The following CDH18 variants were observed in gnomAD, a reference collection of about 807,000 sequenced individuals.
CDH18 encodes the protein cadherin-18.
Under a neutral mutation model 67.9 loss-of-function variants are expected in CDH18, and 31 were observed. That is an observed-to-expected ratio of 0.46 (90% CI 0.34 to 0.62). The LOEUF (loss-of-function observed/expected upper bound fraction) is 0.62. CDH18 is among the 20% of genes least tolerant of loss of function. CDH18 has a pLI of 0.01. For missense variants in CDH18, 890 were observed against 975.5 expected (o/e 0.91, Z 1.17); for synonymous variants, 362 against 347.2 (o/e 1.04, Z -0.48).
chr5:19,885,864 T>C (rs12516939), intron 2 of CDH18, among the ~76,000 whole-genome samples: 75,637 of 152,022 alleles, frequency 0.5, 18,959 homozygotes, highest in Middle Eastern at 0.65. Flanking sequence ...GGAATGTGTT[T>C]ACAATTTCTT....
At chr5:20,029,415 T>G (rs1267181540) in intron 2 of CDH18, among the ~76,000 whole-genome samples, 1 of 152,198 alleles carries the variant, frequency 6.6e-6, no homozygotes, top group Non-Finnish European at 1.5e-5. Context: ...TCTCTTTTCC[T>G]TGTAACATTC....
intron 2 of CDH18, among the ~76,000 whole-genome samples, chr5:20,054,704 G>A (rs1345188956): frequency 6.6e-6 from 1 of 152,094 alleles, no homozygotes; most frequent in Non-Finnish European, 1.5e-5. Flanking sequence ...GATCTTCTCA[G>A]GTATAACATT....
intron 9 of CDH18, among the ~76,000 whole-genome samples, chr5:19,531,613 A>T (rs1400724367): frequency 9.1e-6 from 1 of 109,890 alleles, no homozygotes; most frequent in Non-Finnish European, 1.7e-5. Context: ...GTGTTCTCAC[A>T]CACACACACA....
At chr5:20,164,589 T>C (rs1284128612) in intron 2 of CDH18, among the ~76,000 whole-genome samples, 7 of 152,172 alleles carry the variant, frequency 4.6e-5, no homozygotes, top group African/African-American at 1.4e-4. Context: ...GTTTCTTAAG[T>C]GATACATAAA....
chr5:20,095,561 A>G (rs1378256162), intron 2 of CDH18, among the ~76,000 whole-genome samples: 3 of 129,058 alleles, frequency 2.3e-5, no homozygotes, highest in Non-Finnish European at 4.9e-5. Context: ...GAAGGAAAGA[A>G]AGGAAAGAAA....
rs576363239 is a variant in CDH18, at chr5:19,556,588, T to A, written c.1254-12583A>T. Among the ~76,000 whole-genome samples, 11 of 151,566 alleles carry A rather than the reference T, an allele frequency of 7.3e-5. No homozygotes were observed. In the South Asian group the frequency reaches 8.3e-4, roughly 11 times the overall value. ...CCAACTAAGAAAAAGAAAAAAAAAA[T>A]TTAAAAAACGAGCAAAGCCTCCAAG... On this transcript the variant is annotated intron_variant, in intron 8 of 12. Coordinates refer to ENST00000382275, the MANE Select transcript of CDH18 (RefSeq NM_004934.5).
intron 1 of CDH18, among the ~76,000 whole-genome samples, chr5:20,350,494 A>G (rs948390540): frequency 2.0e-5 from 3 of 152,152 alleles, no homozygotes; most frequent in African/African-American, 7.2e-5. Flanking sequence ...ATTACCTAAA[A>G]TATTACTTCA....
intron 3 of CDH18, among the ~76,000 whole-genome samples, chr5:19,835,971 T>C (rs1781578983): frequency 6.6e-6 from 1 of 152,166 alleles, no homozygotes; most frequent in African/African-American, 2.4e-5. Context: ...TGGCACCATA[T>C]GTTCATTCAA....
chr5:20,004,490 C>A (rs1045631051), intron 2 of CDH18, among the ~76,000 whole-genome samples: 17 of 152,176 alleles, frequency 1.1e-4, no homozygotes, highest in African/African-American at 4.1e-4. Context: ...GCATGGCAAG[C>A]TATTGTCTTC....
At chr5:20,397,943 T>C (rs906938184) in intron 1 of CDH18, among the ~76,000 whole-genome samples, 2 of 152,180 alleles carry the variant, frequency 1.3e-5, no homozygotes, top group Non-Finnish European at 2.9e-5. Context: ...ATTACATTAC[T>C]TTAAAGCTCA....
At position 19,473,604 on chromosome 5, in the gene CDH18, C is replaced by T. The variant is rs764127448; in HGVS notation, c.1995G>A (p.Glu665=). The T allele has an allele frequency of 1.1e-5, 17 of 1,613,858 alleles. No individual in the cohort carries two copies. Among genetic ancestry groups the T allele is most frequent in the Admixed American group, 1.7e-5 (1 of 59,982 alleles). ...VVTYDDEGGG[E]EDTEAFDITA... ...TGATGTCAAAGGCCTCTGTGTCTTC[C>T]TCTCCGCCTCCTTCATCATCATAGG... The change falls in exon 13 of 13, where the codon GAG becomes GAA. Residue 665 remains glutamate (E), a synonymous_variant. Coordinates refer to ENST00000382275, the MANE Select transcript of CDH18 (RefSeq NM_004934.5).
At chr5:20,539,379 G>T (rs1756921915) in intron 1 of CDH18, among the ~76,000 whole-genome samples, 1 of 152,072 alleles carries the variant, frequency 6.6e-6, no homozygotes, top group East Asian at 1.9e-4. Context: ...CAAGATTACT[G>T]GTTATACTTA....
chr5:19,900,674 T>C (rs1256613968), intron 2 of CDH18, among the ~76,000 whole-genome samples: 1 of 152,184 alleles, frequency 6.6e-6, no homozygotes, highest in East Asian at 1.9e-4. Flanking sequence ...TACATACACA[T>C]AATTTTTAAA....
At chr5:19,809,414 A>C (rs1778400463) in intron 3 of CDH18, among the ~76,000 whole-genome samples, 1 of 152,162 alleles carries the variant, frequency 6.6e-6, no homozygotes, top group African/African-American at 2.4e-5. Flanking sequence ...GAAAGCCAAA[A>C]CACTTAAAAT....
chr5:20,423,563 G>A (rs946021081), intron 1 of CDH18, among the ~76,000 whole-genome samples: 2 of 150,936 alleles, frequency 1.3e-5, no homozygotes, highest in African/African-American at 5.0e-5. Context: ...AAGATGCAAA[G>A]GAAATATAAG....
intron 5 of CDH18, among the ~76,000 whole-genome samples, chr5:19,630,459 A>G (rs1039465413): frequency 2.0e-5 from 3 of 152,004 alleles, no homozygotes; most frequent in Admixed American, 6.6e-5. Context: ...TAATGGGTTT[A>G]GCAAGGATCC....
At chr5:19,969,367 T>C (rs1797799912) in intron 2 of CDH18, among the ~76,000 whole-genome samples, 1 of 149,014 alleles carries the variant, frequency 6.7e-6, no homozygotes, top group Non-Finnish European at 1.5e-5. Context: ...GGACTATAAA[T>C]CATGCTGCTA....
intron 2 of CDH18, among the ~76,000 whole-genome samples, chr5:20,106,702 A>G (rs930760907): frequency 3.3e-5 from 5 of 152,162 alleles, no homozygotes; most frequent in African/African-American, 1.2e-4. Flanking sequence ...TGTAGATTTT[A>G]TCTCAAAATA....
intron 1 of CDH18, among the ~76,000 whole-genome samples, chr5:20,270,990 A>G (rs997624004): frequency 1.3e-5 from 2 of 152,034 alleles, no homozygotes; most frequent in African/African-American, 4.8e-5. Context: ...CTGAGGGCAT[A>G]GGGTGGGACG....
Sources: allele counts gnomAD v4.1 joint callset (sites outside exome capture counted in the v4.1 genomes callset), GRCh38; gene constraint gnomAD v4.1.1; transcripts MANE v1.5; gene names NCBI Gene and HGNC (gene_info 2026-07-23, HGNC 2026-07-21).